The following SEZ6L variants were observed in gnomAD, a reference collection of about 807,000 sequenced individuals.
SEZ6L encodes seizure 6-like protein.
In SEZ6L, 37 loss-of-function variants were observed where a neutral mutation model predicts 106.2. The ratio of observed to expected loss-of-function variants is 0.35; its 90% CI spans 0.27 to 0.46. The LOEUF is 0.46. Ranked by LOEUF, SEZ6L falls within the 20% of genes least tolerant of loss-of-function variation. SEZ6L has a pLI of 1.00. For missense variants in SEZ6L, 1,172 were observed against 1,332.8 expected (o/e 0.88, Z 1.88); for synonymous variants, 541 against 570.4 (o/e 0.95, Z 0.73).
intron 1 of SEZ6L, among the ~76,000 whole-genome samples, chr22:26,279,905 C>A (rs1268271233): frequency 6.6e-6 from 1 of 152,178 alleles, no homozygotes; most frequent in South Asian, 2.1e-4. Context: ...GGTTTGTTCT[C>A]TGCCCTCCTC....
At chr22:26,340,721 C>G in intron 10 of SEZ6L, 89 bp downstream of exon 10, 7 of 1,074,976 alleles carry the variant, frequency 6.5e-6, no homozygotes, top group Non-Finnish European at 6.7e-6. Flanking sequence ...CAGTTTTGTA[C>G]TACAGCGATT....
chr22:26,212,828 C>G (rs527408828), intron 1 of SEZ6L, among the ~76,000 whole-genome samples: 2 of 152,112 alleles, frequency 1.3e-5, no homozygotes, highest in South Asian at 4.2e-4. Flanking sequence ...AAATGTGGTC[C>G]CTGGAGAATA....
chr22:26,307,909 G>A (rs1225113888), intron 6 of SEZ6L, among the ~76,000 whole-genome samples: 1 of 152,120 alleles, frequency 6.6e-6, no homozygotes. Flanking sequence ...CCCCCCACTG[G>A]CACTGGTCAC....
At chr22:26,233,550 G>A (rs1296252028) in intron 1 of SEZ6L, among the ~76,000 whole-genome samples, 6 of 152,232 alleles carry the variant, frequency 3.9e-5, no homozygotes, top group Non-Finnish European at 7.3e-5. Context: ...GCTGAGGCTC[G>A]AAGTCGAGCA....
chr22:26,344,674 C>A (rs2082951470), intron 10 of SEZ6L, among the ~76,000 whole-genome samples: 1 of 152,186 alleles, frequency 6.6e-6, no homozygotes, highest in South Asian at 2.1e-4. Flanking sequence ...GACTTCAGAT[C>A]CCTACATTTC....
chr22:26,311,014 A>T (rs781096441), intron 7 of SEZ6L, among the ~76,000 whole-genome samples, 178 bp downstream of exon 7: 1 of 152,236 alleles, frequency 6.6e-6, no homozygotes, highest in Non-Finnish European at 1.5e-5. Context: ...AATGCCTATC[A>T]TTAACTGTGC....
intron 12 of SEZ6L, among the ~76,000 whole-genome samples, chr22:26,355,572 A>G (rs1200870723): frequency 2.6e-5 from 4 of 152,162 alleles, no homozygotes; most frequent in Admixed American, 6.5e-5. Context: ...TCTACTAAAA[A>G]TACAAAAATT....
Position 26,382,058 on chromosome 22 carries a change from A to G in SEZ6L, c.*1763A>G, listed in dbSNP as rs1343384805. The G allele has an allele frequency of 1.9e-6, 1 of 518,850 alleles. No homozygotes were observed. The highest frequency in any genetic ancestry group is 3.8e-6 in the Non-Finnish European group (1 of 259,780). 32.1% of individuals were successfully genotyped at this position (518,850 alleles called of 1,614,324 possible). A position where few individuals can be genotyped will look rare whatever the true frequency, so the allele number is the denominator to read the frequency against. On this transcript the variant is annotated 3_prime_UTR_variant, in exon 17 of 17. Coordinates refer to ENST00000248933, the MANE Select transcript of SEZ6L (RefSeq NM_021115.5). ...ACTCAGACTTCAATCTTGGGGGTCT[A>G]AGACCAGAATATTTTCCTTCTGCCA...
At chr22:26,330,826 A>C (rs2082457070) in intron 9 of SEZ6L, among the ~76,000 whole-genome samples, 5 of 152,256 alleles carry the variant, frequency 3.3e-5, no homozygotes. Context: ...TGAAATTAGA[A>C]GTTTAATGTG....
chr22:26,236,594 A>T (rs2145758465), intron 1 of SEZ6L, among the ~76,000 whole-genome samples: 1 of 144,640 alleles, frequency 6.9e-6, no homozygotes, highest in Non-Finnish European at 1.5e-5. Flanking sequence ...TTGGTTATAG[A>T]CTAAACCACC....
At position 26,231,341 on chromosome 22, in the gene SEZ6L, G is replaced by A. The variant is rs567529536; in HGVS notation, c.95-61065G>A. ...CAATGGTAAACTGACATGGAACTCT[G>A]GTGAGCGTGTCTTATGGGGAGATGC... On this transcript the variant is annotated intron_variant, in intron 1 of 16. Transcript: ENST00000248933. Among the ~76,000 whole-genome samples, 35 of 152,306 alleles carry A rather than the reference G, an allele frequency of 2.3e-4. No homozygotes were observed. The South Asian group carries it at 6.4e-3, about 28-fold the overall frequency.
chr22:26,251,149 GTT>G (rs2079563701), intron 1 of SEZ6L, among the ~76,000 whole-genome samples: 1 of 152,118 alleles, frequency 6.6e-6, no homozygotes, highest in Non-Finnish European at 1.5e-5. Context: ...TCTTTGCCTA[GTT>G]GCTCTGGCTA....
rs186497116 is a variant in SEZ6L at position 26,310,730 on chromosome 22, C to T, written c.1575C>T (p.Thr525=). 2.0e-4 allele frequency: 315 copies of T among 1,614,144 alleles called. 1 individual carries two copies. The East Asian group carries it at 3.1e-3, about 16-fold the overall frequency. ...CTCTTCTCTACGACTCCCTTCAAAC[C>T]GAGAGTGTCCCTTTTGAGGGCCTGC... ...KSALLYDSLQ[T]ESVPFEGLLS... Residue 525 remains threonine, a synonymous_variant, in exon 7 of 17, where the codon ACC becomes ACT. Transcript: ENST00000248933.
At chr22:26,288,260 C>G (rs1452183631) in intron 1 of SEZ6L, among the ~76,000 whole-genome samples, 1 of 152,208 alleles carries the variant, frequency 6.6e-6, no homozygotes, top group Admixed American at 6.5e-5. Flanking sequence ...CATAGTAAGT[C>G]AGGTGGGTTC....
At chr22:26,366,327 C>T (rs2146060154) in intron 13 of SEZ6L, among the ~76,000 whole-genome samples, 1 of 151,938 alleles carries the variant, frequency 6.6e-6, no homozygotes. Flanking sequence ...CAGCGAGATT[C>T]TATCTAAAAA....
intron 13 of SEZ6L, among the ~76,000 whole-genome samples, chr22:26,372,977 C>T (rs1344518028): frequency 6.6e-6 from 1 of 152,176 alleles, no homozygotes; most frequent in Non-Finnish European, 1.5e-5. Flanking sequence ...ACCCTAACCA[C>T]ATAATTGAGA....
Position 26,350,945 on chromosome 22 carries a change from C to T in SEZ6L, c.2408-107C>T, listed in dbSNP as rs576464307. 2.7e-5 allele frequency: 33 copies of T among 1,214,988 alleles called. 1 individual carries two copies. Among genetic ancestry groups the T allele is most frequent in the South Asian group, 3.1e-5 (2 of 64,900 alleles). The allele number at this position is 1,214,988 out of a possible 1,614,324, so 75.3% of individuals were successfully genotyped here. ...TGCTGGGACTACAGGCGTGAGCCAC[C>T]GCACCCGGCCAAGTTAGGAAACTTT... On this transcript the variant is annotated intron_variant, in intron 11 of 16. Coordinates refer to ENST00000248933, the MANE Select transcript of SEZ6L (RefSeq NM_021115.5).
intron 12 of SEZ6L, among the ~76,000 whole-genome samples, chr22:26,359,199 A>G (rs2146041190): frequency 6.6e-6 from 1 of 152,308 alleles, no homozygotes; most frequent in South Asian, 2.1e-4. Context: ...CCTGCTGGGG[A>G]AAAATTCCAT....
At chr22:26,170,255 T>A (rs1021870919) in intron 1 of SEZ6L, among the ~76,000 whole-genome samples, 1 of 151,710 alleles carries the variant, frequency 6.6e-6, no homozygotes, top group African/African-American at 2.4e-5. Context: ...CTTGACTCCT[T>A]TGGTTCAGGC....
Sources: allele counts gnomAD v4.1 joint callset (sites outside exome capture counted in the v4.1 genomes callset), GRCh38; gene constraint gnomAD v4.1.1; transcripts MANE v1.5; gene names NCBI Gene and HGNC (gene_info 2026-07-23, HGNC 2026-07-21).